The following NFE2L3 variants were observed in gnomAD, a reference collection of about 807,000 sequenced individuals.
The protein encoded by NFE2L3 is NFE2 like bZIP transcription factor 3.
NFE2L3 carries 18 observed loss-of-function variants against 23.5 expected under a neutral mutation model. The observed-to-expected ratio is 0.77, with a 90% confidence interval of 0.53 to 1.13. NFE2L3 has a LOEUF of 1.13. Among genes scored for constraint, NFE2L3 ranks in the 50% most tolerant of loss-of-function variants. NFE2L3 has a pLI of 0.00. For missense variants in NFE2L3, 1,152 were observed against 877.2 expected, an observed-to-expected ratio of 1.31 and a Z score of -3.96; for synonymous variants, 424 against 354.5, an observed-to-expected ratio of 1.20 and a Z score of -2.20.
At chr7:26,163,151 A>G (rs1052760024) in intron 1 of NFE2L3, among the ~76,000 whole-genome samples, 4 of 151,994 alleles carry the variant, frequency 2.6e-5, no homozygotes, top group South Asian at 2.1e-4. Context: ...CCGCCCCTCT[A>G]TTCTTTTGAA....
At position 26,177,949 on chromosome 7, in the gene NFE2L3, GGGGTACTAAGAGAAAA is replaced by G; in HGVS notation, c.579_594del (p.Val194ThrfsTer35). 1.2e-6 allele frequency: 2 copies of G among 1,611,438 alleles called. No homozygotes were observed. Among genetic ancestry groups the G allele is most frequent in the Non-Finnish European group, 1.7e-6 (2 of 1,179,166 alleles). On this transcript the variant is annotated frameshift_variant, in exon 2 of 4. Transcript: ENST00000056233. LOFTEE classifies it high-confidence loss of function. ...AAATTTCGTACTTTTATAGGAGAATGGGGTACTAAGAGAAAAGCACGAAGCTGTGGATCATAGTTCC... is the reference window on the plus strand; with the variant it reads ...AAATTTCGTACTTTTATAGGAGAATGGCACGAAGCTGTGGATCATAGTTCC...
At chr7:26,161,063 G>A (rs1784158937) in intron 1 of NFE2L3, among the ~76,000 whole-genome samples, 1 of 152,188 alleles carries the variant, frequency 6.6e-6, no homozygotes, top group Non-Finnish European at 1.5e-5. Flanking sequence ...GTCTTCTAGA[G>A]GAAATTACCA....
Position 26,185,959 on chromosome 7 carries a change from A to G in NFE2L3, c.*176A>G, listed in dbSNP as rs1782473980. On this transcript the variant is annotated 3_prime_UTR_variant, in exon 4 of 4. Coordinates refer to ENST00000056233, the MANE Select transcript of NFE2L3 (RefSeq NM_004289.7). ...GACAAATGTTTAGGACTTCAAGATC[A>G]CACTTGTGGGCAATCTGGGGGAGCC... The G allele has an allele frequency of 3.5e-6, 2 of 563,458 alleles. No homozygotes were observed. Among genetic ancestry groups the G allele is most frequent in the South Asian group, 6.3e-5 (2 of 31,976 alleles). The allele number at this position is 563,458 out of a possible 1,614,324, so 34.9% of individuals were successfully genotyped here.
In NFE2L3 at chr7:26,185,190, C is replaced by A; in HGVS notation, c.1492C>A (p.His498Asn). ...TACATTTCAACACGTATTTCATAACCACACTTACCACTTACAGCCAACTGC... is the reference window on the plus strand; with the variant it reads ...TACATTTCAACACGTATTTCATAACAACACTTACCACTTACAGCCAACTGC... Reference protein sequence around the residue: ...DLTFQHVFHNHTYHLQPTAPE... With the variant: ...DLTFQHVFHNNTYHLQPTAPE... The change falls in exon 4 of 4, where the codon CAC becomes AAC. Residue 498 changes from histidine to asparagine, a missense_variant. Coordinates refer to ENST00000056233, the MANE Select transcript of NFE2L3 (RefSeq NM_004289.7). 1.9e-6 allele frequency: 3 copies of A among 1,613,766 alleles called. No homozygotes were observed. Among genetic ancestry groups the A allele is most frequent in the Non-Finnish European group, 2.5e-6 (3 of 1,179,828 alleles).
At chr7:26,182,143 T>TGAA (rs1213916913) in intron 2 of NFE2L3, among the ~76,000 whole-genome samples, 1 of 152,108 alleles carries the variant, frequency 6.6e-6, no homozygotes, top group Non-Finnish European at 1.5e-5. Context: ...CATACCAGAT[T>TGAA]GAAACAGAAC....
Position 26,184,533 on chromosome 7 carries a change from G to A in NFE2L3, c.835G>A (p.Gly279Ser), listed in dbSNP as rs1782429550. 6.2e-7 allele frequency: 1 copy of A among 1,602,100 alleles called. No homozygotes were observed. The highest frequency in any genetic ancestry group is 8.5e-7 in the Non-Finnish European group (1 of 1,173,182). Residue 279 changes from glycine to serine, a missense_variant and splice_region_variant, in exon 4 of 4, where the codon GGC (glycine) becomes AGC (serine). Transcript: ENST00000056233. ...GAAGTGTTTCTCCTTCGTTTTTCAG[G>A]GCATCTCATTGGGAGATATTCCTCT... ...LSSQPENSLE[G>S]ISLGDIPLPG...
intron 1 of NFE2L3, among the ~76,000 whole-genome samples, chr7:26,168,404 G>T (rs1226251435): frequency 4.0e-5 from 2 of 50,406 alleles, no homozygotes; most frequent in Non-Finnish European, 7.6e-5. Context: ...CCAAAATGGT[G>T]AGATTATAGG....
intron 2 of NFE2L3, among the ~76,000 whole-genome samples, chr7:26,180,122 T>C (rs1348101902): frequency 1.3e-5 from 2 of 152,180 alleles, no homozygotes; most frequent in African/African-American, 4.8e-5. Context: ...GGCTCTTGCA[T>C]GGTTTCTCAT....
chr7:26,184,278 T>G, intron 3 of NFE2L3: 1 of 440,024 alleles, frequency 2.3e-6, no homozygotes, highest in East Asian at 4.0e-5. Context: ...AACATTAGAC[T>G]TTTTAAGAAA....
intron 1 of NFE2L3, among the ~76,000 whole-genome samples, chr7:26,176,460 T>A (rs1188833111): frequency 3.1e-4 from 43 of 140,544 alleles, no homozygotes; most frequent in East Asian, 4.5e-4. Context: ...CGCTCCTCAC[T>A]TCCCAGACGG....
intron 1 of NFE2L3, among the ~76,000 whole-genome samples, chr7:26,164,719 G>A (rs1784221770): frequency 6.6e-6 from 1 of 152,190 alleles, no homozygotes; most frequent in Admixed American, 6.5e-5. Flanking sequence ...TTTTAGACAT[G>A]AAGTCCTTGC....
chr7:26,183,650 AACCAGTTCAG>A, intron 2 of NFE2L3, 41 bp from the exon 3 acceptor site: 1 of 1,148,124 alleles, frequency 8.7e-7, no homozygotes, highest in Non-Finnish European at 1.3e-6. Flanking sequence ...CTAAAGCCCC[AACCAGTTCAG>A]TCTTTTATGT....
intron 2 of NFE2L3, among the ~76,000 whole-genome samples, chr7:26,182,153 C>T (rs999055476): frequency 9.2e-5 from 14 of 151,826 alleles, no homozygotes; most frequent in African/African-American, 3.2e-4. Context: ...TGAAACAGAA[C>T]GTCAAGAACT....
intron 1 of NFE2L3, among the ~76,000 whole-genome samples, chr7:26,168,426 G>GTGCCCAGACA: frequency 3.0e-5 from 3 of 99,816 alleles, no homozygotes; most frequent in African/African-American, 8.0e-5. Context: ...GTGAGCCACT[G>GTGCCCAGACA]TAGTCTCCAT....
chr7:26,179,296 T>C (rs963073704), intron 2 of NFE2L3, among the ~76,000 whole-genome samples: 3 of 151,556 alleles, frequency 2.0e-5, no homozygotes, highest in Non-Finnish European at 2.9e-5. Flanking sequence ...AGCCCAGGAG[T>C]TGGAGATCAG....
intron 1 of NFE2L3, among the ~76,000 whole-genome samples, chr7:26,177,206 G>A (rs1784428604): frequency 2.0e-5 from 3 of 152,380 alleles, no homozygotes; most frequent in South Asian, 4.1e-4. Context: ...TGGCGGCTGG[G>A]CAGAAGCTGT....
chr7:26,183,598 C>T, intron 2 of NFE2L3, 103 bp from the exon 3 acceptor site: 1 of 714,388 alleles, frequency 1.4e-6, no homozygotes, highest in Admixed American at 2.3e-5. Flanking sequence ...GCATAAAAAT[C>T]CAGTGTGGAA....
At position 26,183,746 on chromosome 7, in the gene NFE2L3, T is replaced by C. The variant is rs769569114; in HGVS notation, c.796T>C (p.Phe266Leu). 28 of 1,612,906 alleles carry C rather than the reference T, an allele frequency of 1.7e-5. No homozygotes were observed. Among genetic ancestry groups the C allele is most frequent in the Middle Eastern group, 1.6e-4 (1 of 6,084 alleles). Residue 266 changes from phenylalanine (F) to leucine (L), a missense_variant, in exon 3 of 4, where the codon TTC (phenylalanine) becomes CTC (leucine). By Grantham distance (22) the Phe-to-Leu change is conservative (BLOSUM62 0). Coordinates refer to ENST00000056233, the MANE Select transcript of NFE2L3 (RefSeq NM_004289.7). Reference protein sequence around the residue: ...TDTSFSLEDLFQLLSSQPENS... With the variant: ...TDTSFSLEDLLQLLSSQPENS... ...TACTTCTTTCTCTCTGGAAGACTTA[T>C]TCCAGTTGCTTTCATCACAGCCTGA...
Position 26,185,449 on chromosome 7 carries a change from G to A in NFE2L3, c.1751G>A (p.Arg584Gln), listed in dbSNP as rs757650987. 48 of 1,614,066 alleles carry A rather than the reference G, an allele frequency of 3.0e-5. No individual in the cohort carries two copies. The Admixed American group carries it at 3.8e-4, about 13-fold the overall frequency. Residue 584 changes from arginine to glutamine, a missense_variant, in exon 4 of 4, where the codon CGA becomes CAA. By Grantham distance (43) the Arg-to-Gln change is conservative (BLOSUM62 1). Transcript: ENST00000056233. ...GTCTCACTTATCCGTGACATCAGAC[G>A]AAGAGGGAAAAATAAAGTTGCTGCG... ...LQVSLIRDIR[R>Q]RGKNKVAAQN...
Sources: allele counts gnomAD v4.1 joint callset (sites outside exome capture counted in the v4.1 genomes callset), GRCh38; gene constraint gnomAD v4.1.1; transcripts MANE v1.5; gene names NCBI Gene and HGNC (gene_info 2026-07-23, HGNC 2026-07-21).